CSTF2: variants seen among roughly 807,000 people sequenced by gnomAD.
CSTF2 encodes CF-1 64 kDa subunit.
In CSTF2, 8 loss-of-function variants were observed where a neutral mutation model predicts 45.4. That is an observed-to-expected ratio of 0.18 (90% CI 0.10 to 0.32). The LOEUF is 0.32. Ranked by LOEUF, CSTF2 falls within the 10% of genes least tolerant of loss-of-function variation. CSTF2 has a pLI of 1.00. For missense variants in CSTF2, 253 were observed against 477.1 expected (o/e 0.53, Z 4.38); for synonymous variants, 155 against 158.9 (o/e 0.98, Z 0.18).
In CSTF2 at chrX:100,823,216, C is replaced by G. The variant is rs1336426502; in HGVS notation, c.308-76C>G. 8.1e-6 allele frequency: 9 copies of G among 1,116,291 alleles called. No homozygotes were observed. The Middle Eastern group carries it at 7.7e-4, about 96-fold the overall frequency. The allele number at this position is 1,116,291 out of a possible 1,213,427, so 92.0% of individuals were successfully genotyped here. A position where few individuals can be genotyped will look rare whatever the true frequency, so the allele number is the denominator to read the frequency against. ...TTATCAGCTGGTTCTTACAGCAGCC[C>G]TGAAAAGTAGATATTTGAAATGATT... is the stretch of plus-strand genomic sequence containing the variant. On this transcript the variant is annotated intron_variant, in intron 3 of 13. Coordinates refer to ENST00000372972, the MANE Select transcript of CSTF2 (RefSeq NM_001325.3).
intron 11 of CSTF2, among the ~76,000 whole-genome samples, chrX:100,834,568 A>T (rs1460602053): frequency 1.8e-5 from 2 of 112,427 alleles, no homozygotes; most frequent in Non-Finnish European, 3.8e-5. Context: ...TATGTGTAGA[A>T]TAAAACTGTT....
At position 100,822,371 on chromosome X, in the gene CSTF2, A is replaced by G. The variant is rs1456912627; in HGVS notation, c.258A>G (p.Ala86=). 5.5e-5 allele frequency: 67 copies of G among 1,209,726 alleles called. No individual in the cohort carries two copies. The highest frequency in any genetic ancestry group is 7.4e-5 in the Non-Finnish European group (66 of 895,167). ...NLNGREFSGR[A]LRVDNAASEK... The stretch of plus-strand genomic sequence containing the variant: ...ATGGGCGCGAATTCAGTGGGAGAGC[A>G]CTTCGAGTGGACAATGCTGCCAGTG... Residue 86 remains alanine, a synonymous_variant, in exon 3 of 14, where the codon GCA becomes GCG. Transcript: ENST00000372972.
At position 100,827,994 on chromosome X, in the gene CSTF2, C is replaced by T. The variant is rs373434300; in HGVS notation, c.827-46C>T. The T allele has an allele frequency of 9.1e-6, 10 of 1,103,355 alleles. No individual in the cohort carries two copies. The East Asian group carries it at 9.3e-5, about 10-fold the overall frequency. The allele number at this position is 1,103,355 out of a possible 1,213,427, so 90.9% of individuals were successfully genotyped here. On this transcript the variant is annotated intron_variant, in intron 7 of 13. Coordinates refer to ENST00000372972, the MANE Select transcript of CSTF2 (RefSeq NM_001325.3). The stretch of plus-strand genomic sequence containing the variant: ...AGCCACTGTTCTAATTTTTCTTTTC[C>T]GCTGTTCTAATTGGTGTTTTTTCTT...
chrX:100,822,254 G>A lies in CSTF2; in HGVS notation c.141G>A (p.Leu47=). The A allele has an allele frequency of 8.3e-7, 1 of 1,206,327 alleles. No homozygotes were observed. The highest frequency in any genetic ancestry group is 1.1e-6 in the Non-Finnish European group (1 of 891,991). The change falls in exon 3 of 14, where the codon TTG becomes TTA. Residue 47 remains leucine, a synonymous_variant. Coordinates refer to ENST00000372972, the MANE Select transcript of CSTF2 (RefSeq NM_001325.3). ...SEVGPVVSFR[L]VYDRETGKPK... is the part of the protein sequence containing the mutation. The stretch of plus-strand genomic sequence containing the variant: ...GACACTTGGTTCTGCTCTCCAGATT[G>A]GTATACGATAGAGAGACAGGAAAGC...
Position 100,822,323 on chromosome X carries a change from A to T in CSTF2, c.210A>T (p.Ala70=). The T allele has an allele frequency of 8.3e-7, 1 of 1,210,232 alleles. No individual in the cohort carries two copies. The highest frequency in any genetic ancestry group is 1.1e-6 in the Non-Finnish European group (1 of 894,257). ...GFCEYQDQET[A]LSAMRNLNGR... Reference sequence around the variant, plus strand: ...GTGAATACCAAGACCAAGAGACAGCACTTAGTGCCATGCGGAACCTGAATG... The same window carrying T: ...GTGAATACCAAGACCAAGAGACAGCTCTTAGTGCCATGCGGAACCTGAATG... The change falls in exon 3 of 14, where the codon GCA becomes GCT. Residue 70 remains alanine (A), a synonymous_variant. Coordinates refer to ENST00000372972, the MANE Select transcript of CSTF2 (RefSeq NM_001325.3).
Position 100,821,591 on chromosome X carries a change from T to C in CSTF2, c.123T>C (p.Pro41=), listed in dbSNP as rs1294062182. The C allele has an allele frequency of 8.4e-7, 1 of 1,197,378 alleles. No homozygotes were observed. Among genetic ancestry groups the C allele is most frequent in the East Asian group, 3.0e-5 (1 of 33,701 alleles). The change falls in exon 2 of 14, where the codon CCT becomes CCC. Residue 41 remains proline (P), a synonymous_variant. Transcript: ENST00000372972. ...AGGACATCTTTTCTGAGGTTGGACC[T>C]GTTGTTAGTTTCAGGTGAGATCCCC... The part of the protein sequence containing the change: ...QLKDIFSEVG[P]VVSFRLVYDR...
chrX:100,823,132 C>T (rs775596074), intron 3 of CSTF2, among the ~76,000 whole-genome samples, 160 bp from the exon 4 acceptor site: 3 of 113,055 alleles, frequency 2.7e-5, no homozygotes, highest in Non-Finnish European at 5.6e-5. Flanking sequence ...CTCTCACTTT[C>T]CTCCACAGAA....
intron 9 of CSTF2, among the ~76,000 whole-genome samples, chrX:100,832,237 A>C (rs931516005): frequency 1.8e-5 from 2 of 111,720 alleles, no homozygotes; most frequent in Non-Finnish European, 3.8e-5. Flanking sequence ...TAAATAAATA[A>C]AATAATGATA....
chrX:100,840,127 G>T (rs1049091896), intron 13 of CSTF2, among the ~76,000 whole-genome samples: 10 of 111,635 alleles, frequency 9.0e-5, no homozygotes, highest in Non-Finnish European at 1.3e-4. Context: ...CATGATTTGT[G>T]TATATGTATG....
intron 13 of CSTF2, among the ~76,000 whole-genome samples, chrX:100,838,956 A>G (rs984907496): frequency 9.0e-6 from 1 of 110,907 alleles, no homozygotes; most frequent in Non-Finnish European, 1.9e-5. Context: ...TTAGGCAGAA[A>G]GAATCCAGGG....
At chrX:100,830,626 C>G (rs939917912) in intron 8 of CSTF2, among the ~76,000 whole-genome samples, 1 of 111,664 alleles carries the variant, frequency 9.0e-6, no homozygotes, top group African/African-American at 3.3e-5. Flanking sequence ...GGAACTATTT[C>G]AGAGACCCAA....
chrX:100,833,203 G>A lies in CSTF2; in HGVS notation c.1231G>A (p.Asp411Asn). Reference sequence around the variant, plus strand: ...AGGTGGAAGGGATCCCCGAGGAATAGATGCACGAGGGATGGAGGCCCGAGC... The same window carrying A: ...AGGTGGAAGGGATCCCCGAGGAATAAATGCACGAGGGATGGAGGCCCGAGC... ...GRGGRDPRGI[D>N]ARGMEARAME... is the part of the protein sequence containing the mutation. Residue 411 changes from aspartate (D) to asparagine (N), a missense_variant, in exon 11 of 14, where the codon GAT becomes AAT. Coordinates refer to ENST00000372972, the MANE Select transcript of CSTF2 (RefSeq NM_001325.3). The A allele has an allele frequency of 8.3e-7, 1 of 1,210,851 alleles. No individual in the cohort carries two copies. Among genetic ancestry groups the A allele is most frequent in the Non-Finnish European group, 1.1e-6 (1 of 894,791 alleles).
At chrX:100,838,483 T>C in intron 13 of CSTF2, 119 bp downstream of exon 13, 1 of 645,055 alleles carries the variant, frequency 1.6e-6, no homozygotes, top group African/African-American at 2.3e-5. Flanking sequence ...TCAGCTAGAC[T>C]CTTCTTTACC....
chrX:100,826,797 A>C (rs1412605721), intron 7 of CSTF2, 40 bp downstream of exon 7: 1 of 1,181,967 alleles, frequency 8.5e-7, no homozygotes, highest in Non-Finnish European at 1.1e-6. Context: ...GTACTTGCTA[A>C]AGTTTTGTCA....
intron 4 of CSTF2, 84 bp downstream of exon 4, chrX:100,823,512 T>C (rs2084929404): frequency 3.7e-6 from 4 of 1,067,515 alleles, no homozygotes; most frequent in Non-Finnish European, 5.1e-6. Flanking sequence ...TGAGCTCAAA[T>C]AGAAATTGTC....
At chrX:100,832,965 A>G in intron 10 of CSTF2, 56 bp downstream of exon 10, 1 of 1,100,068 alleles carries the variant, frequency 9.1e-7, no homozygotes, top group Non-Finnish European at 1.2e-6. Flanking sequence ...TTAGGCTCTA[A>G]TCTGGGATAA....
chrX:100,831,379 T>A, intron 8 of CSTF2, 136 bp from the exon 9 acceptor site: 3 of 697,416 alleles, frequency 4.3e-6, no homozygotes, highest in Non-Finnish European at 6.8e-6. Context: ...GTTCTTGAGC[T>A]GCAAGAGGAT....
chrX:100,821,198 A>G (rs1176951134), intron 1 of CSTF2, among the ~76,000 whole-genome samples: 9 of 112,579 alleles, frequency 8.0e-5, no homozygotes, highest in Non-Finnish European at 1.7e-4. Flanking sequence ...TAAAAATTAT[A>G]TTAAATAACA....
At chrX:100,837,318 C>G in intron 11 of CSTF2, 21 bp from the exon 12 acceptor site, 2 of 1,146,403 alleles carry the variant, frequency 1.7e-6, no homozygotes, top group African/African-American at 3.6e-5. Context: ...AAAAATCTCT[C>G]TTTTCTCTTT....
Sources: gnomAD v4.1 joint callset for allele counts (sites outside exome capture counted in the v4.1 genomes callset) on GRCh38, gnomAD v4.1.1 for gene constraint, MANE v1.5 for transcripts, NCBI Gene and HGNC (gene_info 2026-07-23, HGNC 2026-07-21) for gene names.